The following SUSD1 variants were observed in gnomAD, a reference collection of about 807,000 sequenced individuals.
The protein encoded by SUSD1 is sushi domain containing 1.
SUSD1 carries 65 observed loss-of-function variants against 86.9 expected under a neutral mutation model. The ratio of observed to expected loss-of-function variants is 0.75; its 90% CI spans 0.61 to 0.92. The LOEUF is 0.92. Ranked by LOEUF, SUSD1 falls within the 40% of genes least tolerant of loss-of-function variation. The pLI, the probability that SUSD1 is intolerant of heterozygous loss-of-function variation, is 0.00. For synonymous variants in SUSD1, 346 were observed against 350.0 expected (o/e 0.99, Z 0.13); for missense variants, 850 against 929.7 (o/e 0.91, Z 1.11).
chr9:112,149,169 A>C, intron 3 of SUSD1, 75 bp downstream of exon 3: 4 of 1,557,516 alleles, frequency 2.6e-6, no homozygotes, highest in Non-Finnish European at 3.5e-6. Context: ...TAATTCCCTA[A>C]TATTAACAAA....
intron 15 of SUSD1, among the ~76,000 whole-genome samples, chr9:112,049,096 G>A (rs1316599187): frequency 6.6e-6 from 1 of 152,190 alleles, no homozygotes; most frequent in Non-Finnish European, 1.5e-5. Context: ...GAACTCTTGT[G>A]ATGGGAGATG....
At chr9:112,115,844 T>C in intron 6 of SUSD1, among the ~76,000 whole-genome samples, 1 of 29,188 alleles carries the variant, frequency 3.4e-5, no homozygotes, top group African/African-American at 1.1e-4. Context: ...AGAAAAGAAA[T>C]ACTCCAATTA....
At position 112,041,218 on chromosome 9, in the gene SUSD1, T is replaced by A. The variant is rs1827720898; in HGVS notation, c.*274A>T. 1.7e-6 allele frequency: 1 copy of A among 588,780 alleles called. No homozygotes were observed. Among genetic ancestry groups the A allele is most frequent in the Admixed American group, 3.0e-5 (1 of 33,840 alleles). The allele number at this position is 588,780 out of a possible 1,614,324, so 36.5% of individuals were successfully genotyped here. ...ATCTGTATGTAGCCTTCGGTCAATA[T>A]CACAGTGTACATCAGGAGTCTCAAG... On this transcript the variant is annotated 3_prime_UTR_variant, in exon 17 of 17. Transcript: ENST00000374270.
At chr9:112,079,739 A>G (rs1829686196) in intron 11 of SUSD1, among the ~76,000 whole-genome samples, 1 of 151,848 alleles carries the variant, frequency 6.6e-6, no homozygotes, top group African/African-American at 2.4e-5. Flanking sequence ...AATAGCTGGG[A>G]TTACAGCTAT....
At chr9:112,057,111 G>A (rs1474135129) in intron 14 of SUSD1, among the ~76,000 whole-genome samples, 1 of 152,120 alleles carries the variant, frequency 6.6e-6, no homozygotes, top group African/African-American at 2.4e-5. Flanking sequence ...AATAGAGGAA[G>A]AGCAATCAGA....
At position 112,147,440 on chromosome 9, in the gene SUSD1, G is replaced by T; in HGVS notation, c.373+1804C>A. ...AGAAGCACAGGGGAATCGCTTGAAC[G>T]CAGGAGGCAGAGGTTGCAGTGAGCC... On this transcript the variant is annotated intron_variant, in intron 3 of 16. Coordinates refer to ENST00000374270, the MANE Select transcript of SUSD1 (RefSeq NM_022486.5). Among the ~76,000 whole-genome samples the T allele has an allele frequency of 2.0e-5, 3 of 152,080 alleles. 1 individual carries two copies. The Middle Eastern group carries it at 0.01, about 517-fold the overall frequency.
chr9:112,122,917 A>T (rs1188578096), intron 6 of SUSD1, among the ~76,000 whole-genome samples: 1 of 152,226 alleles, frequency 6.6e-6, no homozygotes, highest in Non-Finnish European at 1.5e-5. Flanking sequence ...GAAATTCACA[A>T]GAGACAGAAA....
At chr9:112,165,472 C>T (rs549301938) in intron 1 of SUSD1, among the ~76,000 whole-genome samples, 4 of 147,410 alleles carry the variant, frequency 2.7e-5, no homozygotes, top group East Asian at 2.0e-4. Flanking sequence ...AGCATTGGCA[C>T]GATCACAGCT....
At chr9:112,108,769 T>A (rs1589666927) in intron 8 of SUSD1, among the ~76,000 whole-genome samples, 6 of 93,440 alleles carry the variant, frequency 6.4e-5, no homozygotes, top group Non-Finnish European at 7.4e-5. Flanking sequence ...CAGAGCTGGG[T>A]GTCTCAAAAA....
intron 12 of SUSD1, among the ~76,000 whole-genome samples, chr9:112,066,957 T>A (rs186558159): frequency 6.6e-6 from 1 of 152,230 alleles, no homozygotes. Flanking sequence ...CTCACTGCAA[T>A]CTCTGCCTCC....
intron 4 of SUSD1, among the ~76,000 whole-genome samples, chr9:112,142,805 A>G (rs1182182259): frequency 6.6e-6 from 1 of 152,122 alleles, no homozygotes; most frequent in African/African-American, 2.4e-5. Flanking sequence ...CTGAATTGCA[A>G]AATACCTTAA....
At chr9:112,104,994 AT>A (rs1365699625) in intron 8 of SUSD1, 3 of 152,262 alleles carry the variant, frequency 2.0e-5, no homozygotes, top group South Asian at 2.1e-4. Context: ...TTCAATAAAA[AT>A]TTTAAAAATA....
At chr9:112,111,523 A>G (rs1589671152) in intron 8 of SUSD1, 131 bp downstream of exon 8, 27 of 1,202,168 alleles carry the variant, frequency 2.2e-5, no homozygotes, top group Non-Finnish European at 2.3e-6. Flanking sequence ...CTGTGGCTGG[A>G]GCAACTACAT....
intron 8 of SUSD1, among the ~76,000 whole-genome samples, chr9:112,110,307 C>T (rs1326398591): frequency 6.6e-6 from 1 of 152,128 alleles, no homozygotes; most frequent in Non-Finnish European, 1.5e-5. Flanking sequence ...TGAGATCGCA[C>T]CACTGCACTC....
chr9:112,041,056 T>C lies in SUSD1; in HGVS notation c.*436A>G, dbSNP rs1268826097. On this transcript the variant is annotated 3_prime_UTR_variant, in exon 17 of 17. Transcript: ENST00000374270. ...CCAAACTTAAGCCCATCTCACTGCA[T>C]ATTGTAAAGAATGGATTCTGAATGA... 4.5e-6 allele frequency: 1 copy of C among 220,130 alleles called. No individual in the cohort carries two copies. The highest frequency in any genetic ancestry group is 2.3e-5 in the African/African-American group (1 of 44,304). The allele number at this position is 220,130 out of a possible 1,614,324, so 13.6% of individuals were successfully genotyped here. A position where few individuals can be genotyped will look rare whatever the true frequency, so the allele number is the denominator to read the frequency against.
At chr9:112,046,298 C>A (rs1564241164) in intron 15 of SUSD1, among the ~76,000 whole-genome samples, 1 of 152,158 alleles carries the variant, frequency 6.6e-6, no homozygotes, top group Non-Finnish European at 1.5e-5. Context: ...GTTACCCTAC[C>A]TTTCCATGGT....
At chr9:112,126,435 G>T (rs1289672531) in intron 5 of SUSD1, among the ~76,000 whole-genome samples, 1 of 152,124 alleles carries the variant, frequency 6.6e-6, no homozygotes, top group Non-Finnish European at 1.5e-5. Flanking sequence ...CTTTGGTTGG[G>T]ACTGCAAGAT....
chr9:112,073,841 C>A (rs1412050659), intron 12 of SUSD1, among the ~76,000 whole-genome samples: 1 of 151,590 alleles, frequency 6.6e-6, no homozygotes, highest in Admixed American at 6.6e-5. Context: ...TGCAGTGAGT[C>A]GAGATCACAC....
intron 1 of SUSD1, among the ~76,000 whole-genome samples, chr9:112,165,961 G>GAAAA (rs1833801859): frequency 2.0e-5 from 3 of 150,036 alleles, no homozygotes; most frequent in Non-Finnish European, 4.4e-5. Context: ...AAGAAAGAAA[G>GAAAA]AAAGAAAGAA....
Sources: gnomAD v4.1 joint callset for allele counts (sites outside exome capture counted in the v4.1 genomes callset) on GRCh38, gnomAD v4.1.1 for gene constraint, MANE v1.5 for transcripts, NCBI Gene and HGNC (gene_info 2026-07-23, HGNC 2026-07-21) for gene names.